Variants in SLC15A2 observed in about 807,000 individuals in gnomAD.
SLC15A2 encodes the protein kidney H(+)/peptide cotransporter.
SLC15A2 carries 77 observed loss-of-function variants against 95.5 expected under a neutral mutation model. That is an observed-to-expected ratio of 0.81 (90% confidence interval 0.67 to 0.97). The LOEUF is 0.97. Ranked by LOEUF, SLC15A2 falls within the 50% of genes least tolerant of loss-of-function variation. SLC15A2 has a pLI of 0.00. For missense variants in SLC15A2, 893 were observed against 874.4 expected (o/e 1.02, Z -0.27); for synonymous variants, 306 against 306.9 (o/e 1.00, Z 0.03).
chr3:121,895,207 T>C (rs952771940), intron 1 of SLC15A2: 7 of 152,228 alleles, frequency 4.6e-5, no homozygotes, highest in African/African-American at 1.7e-4. Flanking sequence ...CAAAAGGTGA[T>C]GTTATTCTCA....
In SLC15A2 at chr3:121,907,173, T is replaced by C. The variant is rs147341367; in HGVS notation, c.336-4401T>C. The stretch of plus-strand genomic sequence containing the variant: ...TGAAGCTTGTGCATGCATCACATAG[T>C]TCTCGTGCCATGGTTTTCAGCTCCA... On this transcript the variant is annotated intron_variant, in intron 3 of 21. Coordinates refer to ENST00000489711, the MANE Select transcript of SLC15A2 (RefSeq NM_021082.4). Among the ~76,000 whole-genome samples the C allele has an allele frequency of 1.4e-3, 211 of 152,012 alleles. 1 individual carries two copies. Among genetic ancestry groups the C allele is most frequent in the Middle Eastern group, 3.4e-3 (1 of 294 alleles).
intron 2 of SLC15A2, 31 bp downstream of exon 2, chr3:121,896,524 C>T (rs1321290605): frequency 1.3e-6 from 2 of 1,509,394 alleles, no homozygotes; most frequent in Non-Finnish European, 1.8e-6. Flanking sequence ...CCTACCTACT[C>T]TCCTCCACCC....
intron 19 of SLC15A2, among the ~76,000 whole-genome samples, chr3:121,936,385 A>C (rs1445583753): frequency 6.6e-6 from 1 of 152,018 alleles, no homozygotes; most frequent in Non-Finnish European, 1.5e-5. Flanking sequence ...TCCCATTATT[A>C]ATGTGTGGGA....
intron 3 of SLC15A2, among the ~76,000 whole-genome samples, chr3:121,903,502 T>A (rs202006122): frequency 6.6e-6 from 1 of 152,228 alleles, no homozygotes; most frequent in African/African-American, 2.4e-5. Context: ...TGTAAGTCTT[T>A]AATCCATCTT....
intron 11 of SLC15A2, among the ~76,000 whole-genome samples, chr3:121,923,762 C>T (rs1377206251): frequency 6.6e-6 from 1 of 152,172 alleles, no homozygotes; most frequent in Non-Finnish European, 1.5e-5. Context: ...AAATAAGGTA[C>T]CATCTCTACT....
At chr3:121,936,891 A>G (rs1284312501) in intron 19 of SLC15A2, among the ~76,000 whole-genome samples, 1 of 147,702 alleles carries the variant, frequency 6.8e-6, no homozygotes, top group Non-Finnish European at 1.5e-5. Context: ...ATGATTTTGC[A>G]GCGGCTGGTA....
Position 121,941,010 on chromosome 3 carries a change from A to T in SLC15A2, c.*3A>T, listed in dbSNP as rs756335354. ...AGACCAAGAAGACAAAACTCTGATG[A>T]CTCCCTAGATTCTGTCCTGACCCCA... is the stretch of plus-strand genomic sequence containing the variant. On this transcript the variant is annotated 3_prime_UTR_variant, in exon 22 of 22. Transcript: ENST00000489711. 6.2e-7 allele frequency: 1 copy of T among 1,612,018 alleles called. No homozygotes were observed. Among genetic ancestry groups the T allele is most frequent in the Non-Finnish European group, 8.5e-7 (1 of 1,179,062 alleles).
intron 3 of SLC15A2, among the ~76,000 whole-genome samples, chr3:121,908,290 G>T (rs772002884): frequency 6.6e-6 from 1 of 152,166 alleles, no homozygotes; most frequent in Non-Finnish European, 1.5e-5. Context: ...AGTCTGTCAC[G>T]GCTTCCCTTG....
intron 11 of SLC15A2, 31 bp from the exon 12 acceptor site, chr3:121,924,320 T>G (rs1028321772): frequency 1.2e-6 from 2 of 1,600,486 alleles, no homozygotes; most frequent in Non-Finnish European, 1.7e-6. Context: ...TCTTCAGACA[T>G]CAACTAAATT....
intron 3 of SLC15A2, among the ~76,000 whole-genome samples, chr3:121,907,358 C>T (rs1224581618): frequency 1.3e-5 from 2 of 152,234 alleles, no homozygotes; most frequent in East Asian, 1.9e-4. Context: ...TCTGTCAGCT[C>T]ATCAAAGTCA....
intron 11 of SLC15A2, among the ~76,000 whole-genome samples, chr3:121,923,708 C>T (rs1187312990): frequency 3.3e-5 from 5 of 152,252 alleles, no homozygotes; most frequent in South Asian, 2.1e-4. Flanking sequence ...GAAGGTTATA[C>T]GTATTATTTT....
intron 7 of SLC15A2, among the ~76,000 whole-genome samples, chr3:121,916,354 A>C (rs1709893710): frequency 6.6e-6 from 1 of 152,154 alleles, no homozygotes; most frequent in African/African-American, 2.4e-5. Flanking sequence ...CTTGGGCATG[A>C]TTATTTCTAA....
chr3:121,940,793 T>A, intron 21 of SLC15A2, 38 bp from the exon 22 acceptor site: 1 of 1,577,964 alleles, frequency 6.3e-7, no homozygotes, highest in Non-Finnish European at 8.6e-7. Flanking sequence ...TAGTTTCAGG[T>A]TTCTCCATAT....
intron 7 of SLC15A2, among the ~76,000 whole-genome samples, chr3:121,916,031 A>G (rs1340650157): frequency 1.3e-5 from 2 of 152,148 alleles, no homozygotes; most frequent in Non-Finnish European, 2.9e-5. Context: ...CTACACTACA[A>G]TATATAGGGA....
Position 121,923,276 on chromosome 3 carries a change from A to T in SLC15A2, c.1002+10A>T. ...GATGAATAGGAATTTGGTGAGTAGA[A>T]GAGATTTTCCAGAGAAGTCTATTAT... On this transcript the variant is annotated intron_variant, in intron 11 of 21. Coordinates refer to ENST00000489711, the MANE Select transcript of SLC15A2 (RefSeq NM_021082.4). The T allele has an allele frequency of 1.2e-6, 2 of 1,613,324 alleles. No homozygotes were observed. Among genetic ancestry groups the T allele is most frequent in the Non-Finnish European group, 1.7e-6 (2 of 1,179,528 alleles).
chr3:121,915,556 T>A, intron 6 of SLC15A2, 60 bp from the exon 7 acceptor site: 3 of 1,326,466 alleles, frequency 2.3e-6, no homozygotes, highest in Non-Finnish European at 3.3e-6. Flanking sequence ...GCTTGTAGAA[T>A]AAAACATCAA....
chr3:121,903,809 G>T (rs1046132501), intron 3 of SLC15A2, among the ~76,000 whole-genome samples: 2 of 152,142 alleles, frequency 1.3e-5, no homozygotes, highest in Admixed American at 6.5e-5. Flanking sequence ...TGTTCTTTTG[G>T]CTTAGGATTG....
Position 121,924,941 on chromosome 3 carries a change from A to G in SLC15A2, c.1036-4A>G. ...AGCTAATCCTTTTTATCATGGTGTTACAGGTTCTAAATCCCCTTCTGGTTC... is the reference window on the plus strand; with the variant it reads ...AGCTAATCCTTTTTATCATGGTGTTGCAGGTTCTAAATCCCCTTCTGGTTC... On this transcript the variant is annotated splice_region_variant and splice_polypyrimidine_tract_variant and intron_variant, in intron 12 of 21. Transcript: ENST00000489711. 6.3e-7 allele frequency: 1 copy of G among 1,595,256 alleles called. No homozygotes were observed. Among genetic ancestry groups the G allele is most frequent in the Non-Finnish European group, 8.6e-7 (1 of 1,162,700 alleles).
At chr3:121,938,144 T>A (rs1400028002) in intron 19 of SLC15A2, among the ~76,000 whole-genome samples, 12 of 151,872 alleles carry the variant, frequency 7.9e-5, no homozygotes, top group African/African-American at 2.9e-4. Context: ...AGCTGCATGC[T>A]GGGAGAACCA....
Sources: allele counts gnomAD v4.1 joint callset (sites outside exome capture counted in the v4.1 genomes callset), GRCh38; gene constraint gnomAD v4.1.1; transcripts MANE v1.5; gene names NCBI Gene and HGNC (gene_info 2026-07-23, HGNC 2026-07-21).